The following CPE variants were observed in gnomAD, a reference collection of about 807,000 sequenced individuals.
CPE encodes the protein carbocypeptidase E.
CPE carries 17 observed loss-of-function variants against 53.5 expected under a neutral mutation model. The ratio of observed to expected loss-of-function variants is 0.32; its 90% CI spans 0.22 to 0.48. The LOEUF is 0.48. CPE is among the 20% of genes least tolerant of loss of function. CPE has a pLI of 0.99. For synonymous variants in CPE, 226 were observed against 228.8 expected, an observed-to-expected ratio of 0.99 and a Z score of 0.11; for missense variants, 524 against 614.7, an observed-to-expected ratio of 0.85 and a Z score of 1.56.
chr4:165,381,633 A>G (rs1289858286), intron 1 of CPE, among the ~76,000 whole-genome samples: 1 of 152,212 alleles, frequency 6.6e-6, no homozygotes, highest in Non-Finnish European at 1.5e-5. Flanking sequence ...AAGTAGAAAT[A>G]AACTATTATA....
intron 7 of CPE, among the ~76,000 whole-genome samples, chr4:165,494,998 C>A (rs1732682961): frequency 6.6e-6 from 1 of 152,196 alleles, no homozygotes; most frequent in Non-Finnish European, 1.5e-5. Context: ...GAGCTGGAAT[C>A]AGATTTTTCA....
chr4:165,478,221 A>C (rs1018349244), intron 3 of CPE, among the ~76,000 whole-genome samples: 1 of 152,158 alleles, frequency 6.6e-6, no homozygotes, highest in Admixed American at 6.5e-5. Flanking sequence ...AAAGGCCACA[A>C]TTGTTTCTAG....
Position 165,417,376 on chromosome 4 carries a change from A to G in CPE, c.307+37848A>G, listed in dbSNP as rs931176612. Reference sequence around the variant, plus strand: ...AGCTATTCATTATAGAGCAGTTTCTAAGAGCCTGGGCTTCACAGAGATTAT... The same window carrying G: ...AGCTATTCATTATAGAGCAGTTTCTGAGAGCCTGGGCTTCACAGAGATTAT... On this transcript the variant is annotated intron_variant, in intron 1 of 8. Coordinates refer to ENST00000402744, the MANE Select transcript of CPE (RefSeq NM_001873.4). Among the ~76,000 whole-genome samples the G allele has an allele frequency of 5.8e-4, 88 of 152,338 alleles. 1 individual carries two copies. The highest frequency in any genetic ancestry group is 2.1e-3 in the African/African-American group (86 of 41,590).
intron 1 of CPE, among the ~76,000 whole-genome samples, chr4:165,451,773 A>AGCCACTGT (rs201974019): frequency 0.019 from 2,844 of 152,238 alleles, 85 homozygotes; most frequent in African/African-American, 0.063. Context: ...TACAGTCGTG[A>AGCCACTGT]GCCACTGTGC....
intron 1 of CPE, among the ~76,000 whole-genome samples, chr4:165,438,761 A>G (rs1299055739): frequency 6.6e-6 from 1 of 152,206 alleles, no homozygotes; most frequent in Non-Finnish European, 1.5e-5. Flanking sequence ...GGCTAATGCC[A>G]GCTTCTTTGA....
chr4:165,438,924 G>T (rs938508341), intron 1 of CPE, among the ~76,000 whole-genome samples: 1 of 152,122 alleles, frequency 6.6e-6, no homozygotes, highest in Non-Finnish European at 1.5e-5. Context: ...TAGTTCTAAG[G>T]CTGGCCCCTT....
intron 1 of CPE, chr4:165,404,973 C>A (rs945733761): frequency 2.6e-6 from 2 of 755,910 alleles, no homozygotes; most frequent in Non-Finnish European, 4.9e-6. Flanking sequence ...ACTGCTTCTA[C>A]TTCCTTTAGC....
Position 165,448,045 on chromosome 4 carries a change from T to C in CPE, c.308-16345T>C, listed in dbSNP as rs559358000. 2.6e-5 allele frequency among the ~76,000 whole-genome samples: 4 copies of C among 152,326 alleles called. No individual in the cohort carries two copies. The East Asian group carries it at 7.7e-4, about 29-fold the overall frequency. On this transcript the variant is annotated intron_variant, in intron 1 of 8. Transcript: ENST00000402744. ...ATGCATGTATATATACATATGTACATATCCACAAGGATGTTTATTGCCTTT... is the reference window on the plus strand; with the variant it reads ...ATGCATGTATATATACATATGTACACATCCACAAGGATGTTTATTGCCTTT...
At position 165,487,575 on chromosome 4, in the gene CPE, C is replaced by G. The variant is rs1402391640; in HGVS notation, c.1111C>G (p.Gln371Glu). The change falls in exon 6 of 9, where the codon CAG (glutamine) becomes GAG (glutamate). Residue 371 changes from glutamine (Q) to glutamate (E), a missense_variant and splice_region_variant. By Grantham distance (29) the Gln-to-Glu change is conservative. Coordinates refer to ENST00000402744, the MANE Select transcript of CPE (RefSeq NM_001873.4). ...NKNSLISYLE[Q>E]IHRGVKGFVR... is the part of the protein sequence containing the mutation. ...AAACTCCCTCATTAGCTACCTTGAG[C>G]AGGTAAACACAGTCCCCAGCATAAA... is the stretch of plus-strand genomic sequence containing the variant. 6.2e-7 allele frequency: 1 copy of G among 1,613,922 alleles called. No homozygotes were observed. Among genetic ancestry groups the G allele is most frequent in the African/African-American group, 1.3e-5 (1 of 75,016 alleles).
chr4:165,455,849 C>T (rs1418969710), intron 1 of CPE, among the ~76,000 whole-genome samples: 1 of 152,106 alleles, frequency 6.6e-6, no homozygotes, highest in Non-Finnish European at 1.5e-5. Context: ...GACAGGGTTT[C>T]ACCATGTTGG....
At chr4:165,465,334 G>T (rs1052370407) in intron 2 of CPE, among the ~76,000 whole-genome samples, 1 of 152,020 alleles carries the variant, frequency 6.6e-6, no homozygotes, top group Non-Finnish European at 1.5e-5. Context: ...GTTTGACATT[G>T]TAAGAAACCC....
rs553713478 is a variant in CPE at position 165,381,670 on chromosome 4, G to A, written c.307+2142G>A. 2.6e-5 allele frequency among the ~76,000 whole-genome samples: 4 copies of A among 152,262 alleles called. No individual in the cohort carries two copies. The South Asian group carries it at 8.3e-4, about 32-fold the overall frequency. ...ACCAACACTAACAAAAGTACAAGGT[G>A]ATATCCCCCTCCATCACCTTTTATG... is the stretch of plus-strand genomic sequence containing the variant. On this transcript the variant is annotated intron_variant, in intron 1 of 8. Transcript: ENST00000402744.
chr4:165,394,015 T>G (rs1400647886), intron 1 of CPE, among the ~76,000 whole-genome samples: 1 of 152,086 alleles, frequency 6.6e-6, no homozygotes, highest in Non-Finnish European at 1.5e-5. Context: ...GCTGAGGACC[T>G]AAAGTGGATA....
At chr4:165,411,144 C>G (rs1231349999) in intron 1 of CPE, among the ~76,000 whole-genome samples, 1 of 152,056 alleles carries the variant, frequency 6.6e-6, no homozygotes. Context: ...TTTCTCCTCT[C>G]CAGATGAAAT....
intron 1 of CPE, among the ~76,000 whole-genome samples, chr4:165,462,283 C>G (rs567352804): frequency 1.3e-5 from 2 of 152,298 alleles, no homozygotes; most frequent in South Asian, 4.1e-4. Context: ...AACCAGACAT[C>G]TGGGGGCAAG....
At chr4:165,482,388 G>A in intron 4 of CPE, 29 bp downstream of exon 4, 1 of 1,480,984 alleles carries the variant, frequency 6.8e-7, no homozygotes. Flanking sequence ...TCTCTTATTG[G>A]TTCAAAGTTT....
intron 3 of CPE, among the ~76,000 whole-genome samples, chr4:165,475,225 A>G (rs1437101270): frequency 2.6e-5 from 4 of 152,214 alleles, no homozygotes; most frequent in Non-Finnish European, 5.9e-5. Flanking sequence ...TTAAAGGGCC[A>G]CAGTGAGGAC....
Position 165,464,592 on chromosome 4 carries a change from T to G in CPE, c.504+6T>G, listed in dbSNP as rs1205979193. On this transcript the variant is annotated splice_donor_region_variant and intron_variant, in intron 2 of 8. Transcript: ENST00000402744. ...TTGAGAAGGCAGCGTCTCAGGTGAG[T>G]GCCAGGCAGCTCAGATCAGGCGTGC... 1 of 1,603,202 alleles carries G rather than the reference T, an allele frequency of 6.2e-7. No homozygotes were observed.
chr4:165,465,200 C>T (rs1732075832), intron 2 of CPE, among the ~76,000 whole-genome samples: 1 of 150,406 alleles, frequency 6.6e-6, no homozygotes, highest in Non-Finnish European at 1.5e-5. Flanking sequence ...TTGGACGGGG[C>T]GGGGGACATT....
Sources: gnomAD v4.1 joint callset for allele counts (sites outside exome capture counted in the v4.1 genomes callset) on GRCh38, gnomAD v4.1.1 for gene constraint, MANE v1.5 for transcripts, NCBI Gene and HGNC (gene_info 2026-07-23, HGNC 2026-07-21) for gene names.